DNAH8: variants seen among roughly 807,000 people sequenced by gnomAD.
DNAH8 encodes axonemal beta dynein heavy chain 8.
A neutral mutation model predicts 562.1 loss-of-function variants in DNAH8; 382 were observed. The observed-to-expected ratio is 0.68, with a 90% CI of 0.63 to 0.74. DNAH8 has a LOEUF of 0.74. Ranked by LOEUF, DNAH8 falls within the 30% of genes least tolerant of loss-of-function variation. DNAH8 has a pLI of 0.00. For synonymous variants in DNAH8, 1,881 were observed against 1,919.4 expected, an observed-to-expected ratio of 0.98 and a Z score of 0.52; for missense variants, 5,203 against 5,620.4, an observed-to-expected ratio of 0.93 and a Z score of 2.37.
intron 60 of DNAH8, among the ~76,000 whole-genome samples, chr6:38,897,049 A>G (rs1779747008): frequency 6.6e-6 from 1 of 152,116 alleles, no homozygotes; most frequent in East Asian, 1.9e-4. Context: ...TATTTTTAGT[A>G]GAGATGAGGT....
At chr6:39,026,860 C>T (rs1423510686) in intron 92 of DNAH8, among the ~76,000 whole-genome samples, 193 bp downstream of exon 92, 1 of 152,220 alleles carries the variant, frequency 6.6e-6, no homozygotes, top group Non-Finnish European at 1.5e-5. Context: ...ATGACAAGGT[C>T]TAATGAGCTC....
intron 16 of DNAH8, 102 bp downstream of exon 16, chr6:38,781,475 G>T (rs934100138): frequency 1.5e-6 from 2 of 1,337,520 alleles, no homozygotes; most frequent in African/African-American, 3.0e-5. Flanking sequence ...AGCCAACAAC[G>T]AGCCAATTCT....
At chr6:38,813,400 T>A (rs980327393) in intron 24 of DNAH8, among the ~76,000 whole-genome samples, 1 of 151,984 alleles carries the variant, frequency 6.6e-6, no homozygotes, top group Admixed American at 6.6e-5. Flanking sequence ...TGTGATCCCC[T>A]CCCACCCCCC....
In DNAH8 at chr6:38,770,761, A is replaced by G. The variant is rs7749015; in HGVS notation, c.1764+202A>G. Among the ~76,000 whole-genome samples the G allele has an allele frequency of 0.12, 18,635 of 152,186 alleles. 1,391 individuals are homozygous for G. The highest frequency in any genetic ancestry group is 0.22 in the Admixed American group (3,295 of 15,288). On this transcript the variant is annotated intron_variant, in intron 12 of 92. Coordinates refer to ENST00000327475, the MANE Select transcript of DNAH8 (RefSeq NM_001206927.2). ...GTTACTGCCTTCTGCCAGTAACACA[A>G]ACGCTATGGTCAACTTTCACATCTC...
chr6:38,787,540 A>AG (rs1769284280), intron 18 of DNAH8, among the ~76,000 whole-genome samples: 1 of 151,958 alleles, frequency 6.6e-6, no homozygotes, highest in Non-Finnish European at 1.5e-5. Context: ...AGTCTGGCTA[A>AG]CATGACGAAA....
At chr6:38,876,533 G>A (rs1303047892) in intron 53 of DNAH8, among the ~76,000 whole-genome samples, 1 of 152,164 alleles carries the variant, frequency 6.6e-6, no homozygotes, top group Admixed American at 6.5e-5. Context: ...AATTTTGAAA[G>A]CAAGAAAGCA....
chr6:38,955,588 G>A (rs546133849), intron 82 of DNAH8, among the ~76,000 whole-genome samples: 15 of 152,172 alleles, frequency 9.9e-5, no homozygotes, highest in South Asian at 4.2e-4. Context: ...CCGAGATTGT[G>A]CCATTGCACT....
chr6:38,906,328 T>C lies in DNAH8; in HGVS notation c.9269T>C (p.Ile3090Thr). Residue 3090 changes from isoleucine to threonine, a missense_variant, in exon 63 of 93, where the codon ATC becomes ACC. Ile to Thr is a moderately conservative substitution (Grantham distance 89). Transcript: ENST00000327475. Reference protein sequence around the residue: ...YKVAGADGKGITFIFTDSEIK... With the variant: ...YKVAGADGKGTTFIFTDSEIK... ...GTTGCTGGTGCTGATGGAAAAGGCA[T>C]CACTTTCATCTTTACTGACAGTGAA... 3 of 1,610,946 alleles carry C rather than the reference T, an allele frequency of 1.9e-6. No homozygotes were observed. Among genetic ancestry groups the C allele is most frequent in the Non-Finnish European group, 2.5e-6 (3 of 1,178,158 alleles).
At position 38,883,994 on chromosome 6, in the gene DNAH8, A is replaced by G. The variant is rs1778714740; in HGVS notation, c.8255A>G (p.Asp2752Gly). The G allele has an allele frequency of 1.3e-6, 2 of 1,548,934 alleles. No individual in the cohort carries two copies. The highest frequency in any genetic ancestry group is 1.8e-5 in the Admixed American group (1 of 55,714). Residue 2752 changes from aspartate to glycine, a missense_variant, in exon 56 of 93, where the codon GAT becomes GGT. Physicochemically the swap from Asp to Gly is moderately conservative, Grantham distance 94. Transcript: ENST00000327475. ...ATGCCTGTGATTAATGAGTGGGGAGATCAGGTATGGCTGAAATATCTCATA... is the reference window on the plus strand; with the variant it reads ...ATGCCTGTGATTAATGAGTGGGGAGGTCAGGTATGGCTGAAATATCTCATA... ...INMPVINEWG[D>G]QITNEIVRQM...
At chr6:38,961,872 C>T (rs1257578756) in intron 82 of DNAH8, among the ~76,000 whole-genome samples, 3 of 151,562 alleles carry the variant, frequency 2.0e-5, no homozygotes, top group Non-Finnish European at 3.0e-5. Flanking sequence ...ATGTAACTAC[C>T]GGAAAGGAGG....
intron 91 of DNAH8, among the ~76,000 whole-genome samples, chr6:39,019,990 T>C (rs1039938899): frequency 6.6e-6 from 1 of 150,904 alleles, no homozygotes; most frequent in Non-Finnish European, 1.5e-5. Flanking sequence ...AATATGAGAG[T>C]TTGTCAACAG....
At position 38,973,924 on chromosome 6, in the gene DNAH8, C is replaced by T. The variant is rs1382207345; in HGVS notation, c.12678+111C>T. On this transcript the variant is annotated intron_variant, in intron 84 of 92. Coordinates refer to ENST00000327475, the MANE Select transcript of DNAH8 (RefSeq NM_001206927.2). ...GCTTTTTGGTCCTGTAGGGTCTGGA[C>T]TGCAAGATCTTATACTATAATACTA... is the stretch of plus-strand genomic sequence containing the variant. 1.8e-5 allele frequency: 13 copies of T among 733,716 alleles called. No homozygotes were observed. In the African/African-American group the frequency reaches 2.2e-4, roughly 12 times the overall value. The allele number at this position is 733,716 out of a possible 1,614,324, so 45.5% of individuals were successfully genotyped here.
intron 83 of DNAH8, among the ~76,000 whole-genome samples, chr6:38,972,823 A>G (rs1763433903): frequency 1.3e-5 from 2 of 152,214 alleles, no homozygotes; most frequent in Non-Finnish European, 2.9e-5. Context: ...TGGGTCCATG[A>G]TGACACAAAC....
chr6:38,751,078 G>A (rs1765408100), intron 9 of DNAH8, among the ~76,000 whole-genome samples: 2 of 152,154 alleles, frequency 1.3e-5, no homozygotes, highest in Admixed American at 6.5e-5. Context: ...GAGTTTCTGT[G>A]GCTCAGGAAT....
At chr6:38,965,308 C>T (rs1400887962) in intron 82 of DNAH8, among the ~76,000 whole-genome samples, 1 of 152,008 alleles carries the variant, frequency 6.6e-6, no homozygotes, top group Admixed American at 6.6e-5. Flanking sequence ...AATAGCCTCA[C>T]ATCTGTTTAG....
chr6:38,886,533 A>G lies in DNAH8; in HGVS notation c.8260-258A>G, dbSNP rs189310428. On this transcript the variant is annotated intron_variant, in intron 56 of 92. Coordinates refer to ENST00000327475, the MANE Select transcript of DNAH8 (RefSeq NM_001206927.2). Reference sequence around the variant, plus strand: ...TAACCAAATATCTTATAACTCACATATCTAAATTTATTTGGAAATTAGTTT... The same window carrying G: ...TAACCAAATATCTTATAACTCACATGTCTAAATTTATTTGGAAATTAGTTT... 1.3e-3 allele frequency among the ~76,000 whole-genome samples: 196 copies of G among 152,348 alleles called. 3 individuals carry two copies. Among genetic ancestry groups the G allele is most frequent in the Admixed American group, 0.012 (180 of 15,302 alleles).
At chr6:38,924,327 A>C (rs981769504) in intron 73 of DNAH8, among the ~76,000 whole-genome samples, 165 bp downstream of exon 73, 3 of 152,134 alleles carry the variant, frequency 2.0e-5, no homozygotes, top group African/African-American at 7.2e-5. Flanking sequence ...CCTAACCAAC[A>C]TGGTGAAATC....
At chr6:38,784,546 A>T (rs1437684259) in intron 17 of DNAH8, among the ~76,000 whole-genome samples, 3 of 152,180 alleles carry the variant, frequency 2.0e-5, no homozygotes, top group Non-Finnish European at 2.9e-5. Flanking sequence ...ACTGCTTTAT[A>T]GATCTACCTT....
At chr6:38,979,300 C>G (rs770325151) in intron 85 of DNAH8, among the ~76,000 whole-genome samples, 1 of 152,200 alleles carries the variant, frequency 6.6e-6, no homozygotes, top group South Asian at 2.1e-4. Flanking sequence ...CTTATTTTTG[C>G]AACAGATTAA....
Sources: gnomAD v4.1 joint callset for allele counts (sites outside exome capture counted in the v4.1 genomes callset) on GRCh38, gnomAD v4.1.1 for gene constraint, MANE v1.5 for transcripts, NCBI Gene and HGNC (gene_info 2026-07-23, HGNC 2026-07-21) for gene names.